Variants in SMLR1 observed in about 807,000 individuals in gnomAD.
SMLR1 encodes small leucine-rich protein 1.
A neutral mutation model predicts 6.1 loss-of-function variants in SMLR1; 3 were observed. The ratio of observed to expected loss-of-function variants is 0.49; its 90% CI spans 0.22 to 1.28. The LOEUF is 1.28. Ranked by LOEUF, SMLR1 falls within the 50% of genes most tolerant of loss-of-function variation. The probability of loss-of-function intolerance (pLI) is 0.19; values close to 1 mark genes in which losing one functional copy is unlikely to be tolerated. For synonymous variants in SMLR1, 55 were observed against 53.6 expected, an observed-to-expected ratio of 1.03 and a Z score of -0.11; for missense variants, 126 against 124.8, an observed-to-expected ratio of 1.01 and a Z score of -0.05.
intron 1 of SMLR1, among the ~76,000 whole-genome samples, chr6:130,828,050 G>A (rs762932532): frequency 3.1e-5 from 3 of 97,034 alleles, no homozygotes; most frequent in Non-Finnish European, 4.4e-5. Context: ...ATGTCCGTGC[G>A]TGTGTATGCG....
chr6:130,834,839 C>CCAAATTATTAACTAATATTTTTCCTTT, intron 1 of SMLR1, 31 bp from the exon 2 acceptor site: 1 of 1,520,106 alleles, frequency 6.6e-7, no homozygotes, highest in Non-Finnish European at 8.8e-7. Context: ...TCAGATGTCT[C>CCAAATTATTAACTAATATTTTTCCTTT]CAAATTATTA....
In SMLR1 at chr6:130,835,120, T is replaced by C. The variant is rs367743828; in HGVS notation, c.*165T>C. The C allele has an allele frequency of 1.3e-5, 8 of 614,246 alleles. No homozygotes were observed. Among genetic ancestry groups the C allele is most frequent in the South Asian group, 1.2e-4 (6 of 50,364 alleles). 38.0% of individuals were successfully genotyped at this position (614,246 alleles called of 1,614,324 possible). A position where few individuals can be genotyped will look rare whatever the true frequency, so the allele number is the denominator to read the frequency against. ...CCATACTGAAAAGTGGCAGCTATTATCTAAGGGGACTTCTCAGAGACTCAG... is the reference window on the plus strand; with the variant it reads ...CCATACTGAAAAGTGGCAGCTATTACCTAAGGGGACTTCTCAGAGACTCAG... On this transcript the variant is annotated 3_prime_UTR_variant, in exon 2 of 2. Coordinates refer to ENST00000541421, the MANE Select transcript of SMLR1 (RefSeq NM_001195597.2).
At chr6:130,829,881 G>A (rs922786930) in intron 1 of SMLR1, among the ~76,000 whole-genome samples, 2 of 152,152 alleles carry the variant, frequency 1.3e-5, no homozygotes, top group Admixed American at 6.6e-5. Flanking sequence ...AGCCTCACAC[G>A]ATGAGGGTCC....
At chr6:130,832,010 A>C (rs538623173) in intron 1 of SMLR1, among the ~76,000 whole-genome samples, 1 of 152,206 alleles carries the variant, frequency 6.6e-6, no homozygotes, top group Non-Finnish European at 1.5e-5. Context: ...CGCACTCTTC[A>C]ATCTGTGTCA....
chr6:130,827,477 G>T lies in SMLR1; in HGVS notation c.64G>T (p.Val22Phe). The T allele has an allele frequency of 6.5e-7, 1 of 1,536,006 alleles. No homozygotes were observed. The highest frequency in any genetic ancestry group is 1.2e-5 in the South Asian group (1 of 84,046). ...QVQTQRKAAL[V>F]LSVTPMVPVG... ...ACAGACTCAGAGGAAAGCTGCCCTG[G>T]TCCTGAGTGTGACTCCCATGGTCCC... Residue 22 changes from valine (V) to phenylalanine (F), a missense_variant, in exon 1 of 2, where the codon GTC (valine) becomes TTC (phenylalanine). Physicochemically the swap from Val to Phe is conservative, Grantham distance 50 (BLOSUM62 -1). Transcript: ENST00000541421.
chr6:130,829,330 G>GA (rs1774371573), intron 1 of SMLR1, among the ~76,000 whole-genome samples: 1 of 152,156 alleles, frequency 6.6e-6, no homozygotes, highest in African/African-American at 2.4e-5. Context: ...CTCATTCCTG[G>GA]AAAAACATCT....
chr6:130,830,874 G>C, intron 1 of SMLR1, among the ~76,000 whole-genome samples: 1 of 151,980 alleles, frequency 6.6e-6, no homozygotes, highest in East Asian at 1.9e-4. Context: ...CCTAAAAAGG[G>C]GTGGCATAAA....
chr6:130,830,897 C>A (rs745396775), intron 1 of SMLR1, among the ~76,000 whole-genome samples: 1 of 152,226 alleles, frequency 6.6e-6, no homozygotes, highest in Non-Finnish European at 1.5e-5. Context: ...ACCGCCCCCC[C>A]GCGTTTAGCA....
At chr6:130,828,639 G>C (rs1340347637) in intron 1 of SMLR1, among the ~76,000 whole-genome samples, 1 of 152,086 alleles carries the variant, frequency 6.6e-6, no homozygotes, top group Non-Finnish European at 1.5e-5. Flanking sequence ...GGAACATAAA[G>C]AAATCCTAGG....
At chr6:130,834,828 C>G (rs1053506693) in intron 1 of SMLR1, 42 bp from the exon 2 acceptor site, 3 of 1,489,432 alleles carry the variant, frequency 2.0e-6, no homozygotes, top group Non-Finnish European at 2.7e-6. Flanking sequence ...ACCAATGGCA[C>G]TCAGATGTCT....
chr6:130,832,730 G>A (rs577029973), intron 1 of SMLR1, among the ~76,000 whole-genome samples: 3 of 152,282 alleles, frequency 2.0e-5, no homozygotes, highest in Non-Finnish European at 4.4e-5. Context: ...GTGGTAGAAA[G>A]AGCATTCGAA....
chr6:130,834,970 CAATA>C lies in SMLR1; in HGVS notation c.*17_*20del, dbSNP rs1204761230. ...AATGGACGTGAAGTTGGGGACTTTC[CAATA>C]ACTAAAGCACAATGAGTTTCTACTG... On this transcript the variant is annotated 3_prime_UTR_variant, in exon 2 of 2. Transcript: ENST00000541421. 18 of 1,529,830 alleles carry C rather than the reference CAATA, an allele frequency of 1.2e-5. No homozygotes were observed. Among genetic ancestry groups the C allele is most frequent in the Non-Finnish European group, 1.5e-5 (17 of 1,141,470 alleles). The allele number at this position is 1,529,830 out of a possible 1,614,324, so 94.8% of individuals were successfully genotyped here. A position where few individuals can be genotyped will look rare whatever the true frequency, so the allele number is the denominator to read the frequency against.
At chr6:130,833,465 C>T (rs1382079900) in intron 1 of SMLR1, among the ~76,000 whole-genome samples, 1 of 152,096 alleles carries the variant, frequency 6.6e-6, no homozygotes, top group Non-Finnish European at 1.5e-5. Flanking sequence ...AAGTCTAAGC[C>T]ATGGGCCATC....
intron 1 of SMLR1, among the ~76,000 whole-genome samples, chr6:130,834,540 T>A: frequency 6.6e-6 from 1 of 152,158 alleles, no homozygotes; most frequent in East Asian, 1.9e-4. Context: ...TTGGGAGGGA[T>A]GAGCAGGGGC....
intron 1 of SMLR1, 115 bp downstream of exon 1, chr6:130,827,766 T>A (rs371330977): frequency 1.2e-5 from 8 of 682,582 alleles, no homozygotes; most frequent in Non-Finnish European, 1.8e-5. Flanking sequence ...ATATATATAT[T>A]TTGTAGGTAC....
chr6:130,834,151 T>G (rs1212540982), intron 1 of SMLR1, among the ~76,000 whole-genome samples: 1 of 152,118 alleles, frequency 6.6e-6, no homozygotes, highest in Non-Finnish European at 1.5e-5. Context: ...TCAGAAGGCA[T>G]CTCAGGGCTA....
At position 130,836,291 on chromosome 6, in the gene SMLR1, G is replaced by A. The variant is rs1774656964; in HGVS notation, c.*1336G>A. 1 of 152,200 alleles carries A rather than the reference G, an allele frequency of 6.6e-6. No homozygotes were observed. The highest frequency in any genetic ancestry group is 2.4e-5 in the African/African-American group (1 of 41,450). The allele number at this position is 152,200 out of a possible 1,614,324, so 9.4% of individuals were successfully genotyped here. On this transcript the variant is annotated 3_prime_UTR_variant, in exon 2 of 2. Transcript: ENST00000541421. ...GTAACAGTGCTCTTGCCATATGGAA[G>A]GAATAACAATATTCTTTCAGTTTTG... is the stretch of plus-strand genomic sequence containing the variant.
At chr6:130,829,986 C>T (rs1204839125) in intron 1 of SMLR1, among the ~76,000 whole-genome samples, 10 of 152,232 alleles carry the variant, frequency 6.6e-5, no homozygotes, top group South Asian at 4.1e-4. Flanking sequence ...ATTTATTCAA[C>T]GAATATTTGT....
chr6:130,827,731 T>A (rs924842975), intron 1 of SMLR1, 80 bp downstream of exon 1: 8 of 1,021,624 alleles, frequency 7.8e-6, no homozygotes, highest in African/African-American at 5.0e-5. Flanking sequence ...GCACTGTCAG[T>A]GTTTTCTGGC....
Sources: allele counts gnomAD v4.1 joint callset (sites outside exome capture counted in the v4.1 genomes callset), GRCh38; gene constraint gnomAD v4.1.1; transcripts MANE v1.5; gene names NCBI Gene and HGNC (gene_info 2026-07-23, HGNC 2026-07-21).